Variants in RANBP17 observed in about 807,000 individuals in gnomAD.
RANBP17 encodes the protein ran-binding protein 17.
In RANBP17, 158 loss-of-function variants were observed where a neutral mutation model predicts 141.2. The ratio of observed to expected loss-of-function variants is 1.12; its 90% CI spans 0.98 to 1.28. RANBP17 has a LOEUF of 1.28. RANBP17 is among the 50% of genes most tolerant of loss of function. The pLI is 0.00. For synonymous variants in RANBP17, 430 were observed against 450.0 expected, an observed-to-expected ratio of 0.96 and a Z score of 0.56; for missense variants, 1,438 against 1,290.7, an observed-to-expected ratio of 1.11 and a Z score of -1.75.
chr5:171,013,728 G>T (rs1780230916), intron 14 of RANBP17, among the ~76,000 whole-genome samples: 1 of 151,924 alleles, frequency 6.6e-6, no homozygotes, highest in Non-Finnish European at 1.5e-5. Context: ...TTTAAAAATG[G>T]CTTTGGCTAT....
At chr5:171,192,454 G>A (rs1426789119) in intron 18 of RANBP17, among the ~76,000 whole-genome samples, 1 of 152,118 alleles carries the variant, frequency 6.6e-6, no homozygotes. Flanking sequence ...TTTGAAAATG[G>A]GTAGCTATAG....
chr5:171,085,184 TA>T (rs1310942855), intron 14 of RANBP17, among the ~76,000 whole-genome samples: 2 of 136,618 alleles, frequency 1.5e-5, no homozygotes, highest in African/African-American at 2.8e-5. Flanking sequence ...TACATATGGC[TA>T]GCCAGTTTTC....
chr5:171,238,137 G>A (rs913783371), intron 22 of RANBP17, among the ~76,000 whole-genome samples: 4 of 152,084 alleles, frequency 2.6e-5, no homozygotes, highest in Non-Finnish European at 5.9e-5. Flanking sequence ...CTGTTGCAAG[G>A]TCAAAATAGT....
At chr5:170,878,994 C>G (rs13189537) in intron 2 of RANBP17, among the ~76,000 whole-genome samples, 1 of 152,088 alleles carries the variant, frequency 6.6e-6, no homozygotes, top group African/African-American at 2.4e-5. Flanking sequence ...CTAATACAGA[C>G]TTTTTAATAA....
chr5:171,259,180 C>A (rs1561807809), intron 24 of RANBP17, among the ~76,000 whole-genome samples: 1 of 152,114 alleles, frequency 6.6e-6, no homozygotes, highest in African/African-American at 2.4e-5. Flanking sequence ...TACCATCTTA[C>A]CCCTGTCAGA....
intron 24 of RANBP17, among the ~76,000 whole-genome samples, chr5:171,245,920 C>G (rs1217302856): frequency 6.6e-6 from 1 of 150,782 alleles, no homozygotes; most frequent in African/African-American, 2.4e-5. Flanking sequence ...GCTCCATCGC[C>G]CAGGCTGGAG....
At chr5:171,131,477 C>T (rs532195337) in intron 14 of RANBP17, among the ~76,000 whole-genome samples, 1 of 152,130 alleles carries the variant, frequency 6.6e-6, no homozygotes, top group Non-Finnish European at 1.5e-5. Context: ...AGCAGAGGCC[C>T]ATCATGTTCT....
intron 22 of RANBP17, among the ~76,000 whole-genome samples, chr5:171,229,507 G>A (rs1321603973): frequency 1.3e-5 from 2 of 151,808 alleles, no homozygotes; most frequent in Non-Finnish European, 2.9e-5. Context: ...CAATTCTCCT[G>A]CCTCAGCCTC....
At chr5:171,264,475 AG>A (rs1766537306) in intron 24 of RANBP17, among the ~76,000 whole-genome samples, 1 of 152,204 alleles carries the variant, frequency 6.6e-6, no homozygotes, top group African/African-American at 2.4e-5. Flanking sequence ...TTGGCTGTGC[AG>A]TCTTCTAGCT....
chr5:171,181,681 A>G (rs982860824), intron 16 of RANBP17, among the ~76,000 whole-genome samples: 3 of 152,238 alleles, frequency 2.0e-5, no homozygotes, highest in Non-Finnish European at 4.4e-5. Context: ...TTGAGTATAA[A>G]TCATACTAAT....
At chr5:171,252,564 G>A (rs1765642044) in intron 24 of RANBP17, 2 of 1,372,994 alleles carry the variant, frequency 1.5e-6, no homozygotes, top group South Asian at 1.2e-5. Context: ...TTTAAAAACT[G>A]CCCATGATTC....
At chr5:171,240,710 C>T (rs1764816426) in intron 22 of RANBP17, among the ~76,000 whole-genome samples, 1 of 152,020 alleles carries the variant, frequency 6.6e-6, no homozygotes, top group Admixed American at 6.6e-5. Flanking sequence ...AGAGCTTTTC[C>T]AATATAAGGA....
chr5:170,971,561 T>G lies in RANBP17; in HGVS notation c.1710+3184T>G, dbSNP rs145394826. 4.5e-3 allele frequency among the ~76,000 whole-genome samples: 683 copies of G among 152,294 alleles called. 2 individuals are homozygous for G. The highest frequency in any genetic ancestry group is 7.3e-3 in the Non-Finnish European group (498 of 68,022). ...TTTATTGGATCTTTCCACTGGGATG[T>G]TGAATGGGCCCTTGAAACTTATTTC... is the stretch of plus-strand genomic sequence containing the variant. On this transcript the variant is annotated intron_variant, in intron 14 of 27. Coordinates refer to ENST00000523189, the MANE Select transcript of RANBP17 (RefSeq NM_022897.5).
intron 14 of RANBP17, among the ~76,000 whole-genome samples, chr5:170,981,174 G>A (rs1367662759): frequency 1.3e-5 from 2 of 152,340 alleles, no homozygotes; most frequent in African/African-American, 2.4e-5. Context: ...CCCATTTTGT[G>A]TAGGAAATAA....
At chr5:171,035,312 G>A (rs1451510262) in intron 14 of RANBP17, among the ~76,000 whole-genome samples, 1 of 152,018 alleles carries the variant, frequency 6.6e-6, no homozygotes. Flanking sequence ...GATAAAGGGG[G>A]AAACATAAGA....
chr5:171,171,591 C>T lies in RANBP17; in HGVS notation c.1865+305C>T, dbSNP rs569958112. On this transcript the variant is annotated intron_variant, in intron 16 of 27. Coordinates refer to ENST00000523189, the MANE Select transcript of RANBP17 (RefSeq NM_022897.5). ...AAGAAAGTCCACATGTATTTTAGTT[C>T]ATGCTTTTTTGTAATTGTCAGAAAT... is the stretch of plus-strand genomic sequence containing the variant. 5.3e-5 allele frequency among the ~76,000 whole-genome samples: 8 copies of T among 151,990 alleles called. No homozygotes were observed. The East Asian group carries it at 1.2e-3, about 22-fold the overall frequency.
chr5:171,141,104 T>A lies in RANBP17; in HGVS notation c.1711-29026T>A, dbSNP rs1199297755. Reference sequence around the variant, plus strand: ...ATTCATTTAAGAAACATTTGCAGAATCCCTAAAAATGTTTCTTTTTTCCTT... The same window carrying A: ...ATTCATTTAAGAAACATTTGCAGAAACCCTAAAAATGTTTCTTTTTTCCTT... On this transcript the variant is annotated intron_variant, in intron 14 of 27. Coordinates refer to ENST00000523189, the MANE Select transcript of RANBP17 (RefSeq NM_022897.5). Among the ~76,000 whole-genome samples the A allele has an allele frequency of 2.0e-5, 3 of 152,012 alleles. No individual in the cohort carries two copies. In the East Asian group the frequency reaches 5.8e-4, roughly 30 times the overall value.
chr5:171,292,348 A>G (rs1768542891), intron 25 of RANBP17, among the ~76,000 whole-genome samples: 1 of 152,222 alleles, frequency 6.6e-6, no homozygotes, highest in African/African-American at 2.4e-5. Flanking sequence ...TTAAATGTTT[A>G]TAGCACTTTT....
chr5:170,914,235 CAGTT>C lies in RANBP17; in HGVS notation c.833_834+2del, dbSNP rs746957177. ...TCATTCACTTCCACCACTACTATCT[CAGTT>C]AGTAAGTAAAAGTCATTCGTTATTT... is the stretch of plus-strand genomic sequence containing the variant. On this transcript the variant is annotated frameshift_variant and splice_region_variant, in exon 8 of 28. Transcript: ENST00000523189. LOFTEE classifies it high-confidence loss of function. 64 of 1,587,974 alleles carry C rather than the reference CAGTT, an allele frequency of 4.0e-5. No homozygotes were observed. The highest frequency in any genetic ancestry group is 1.7e-4 in the African/African-American group (13 of 74,396).
Sources: gnomAD v4.1 joint callset for allele counts (sites outside exome capture counted in the v4.1 genomes callset) on GRCh38, gnomAD v4.1.1 for gene constraint, MANE v1.5 for transcripts, NCBI Gene and HGNC (gene_info 2026-07-23, HGNC 2026-07-21) for gene names.